PLCB4: variants seen among roughly 807,000 people sequenced by gnomAD.
PLCB4 encodes phospholipase C beta 4.
In PLCB4, 77 loss-of-function variants were observed where a neutral mutation model predicts 178.8. The observed-to-expected ratio is 0.43, with a 90% CI of 0.36 to 0.52. The LOEUF (loss-of-function observed/expected upper bound fraction) is 0.52. Ranked by LOEUF, PLCB4 falls within the 20% of genes least tolerant of loss-of-function variation. The probability of loss-of-function intolerance (pLI) is 0.00; values close to 1 mark genes in which losing one functional copy is unlikely to be tolerated. For missense variants in PLCB4, 1,024 were observed against 1,453.4 expected, an observed-to-expected ratio of 0.70 and a Z score of 4.80; for synonymous variants, 496 against 490.8, an observed-to-expected ratio of 1.01 and a Z score of -0.14.
chr20:9,108,995 A>G (rs1260113030), intron 2 of PLCB4, among the ~76,000 whole-genome samples: 1 of 151,342 alleles, frequency 6.6e-6, no homozygotes, highest in African/African-American at 2.4e-5. Flanking sequence ...GGTAAACTTT[A>G]TTGAGTCCCA....
intron 4 of PLCB4, among the ~76,000 whole-genome samples, chr20:9,327,776 G>GA (rs964942224): frequency 8.0e-5 from 12 of 149,676 alleles, no homozygotes; most frequent in African/African-American, 2.7e-4. Context: ...ACTCCATCTC[G>GA]AAAAAAAAAT....
At chr20:9,449,199 A>C (rs889452906) in intron 32 of PLCB4, among the ~76,000 whole-genome samples, 1 of 152,198 alleles carries the variant, frequency 6.6e-6, no homozygotes, top group African/African-American at 2.4e-5. Flanking sequence ...CCCCCAGCAC[A>C]TGACTCATTG....
intron 2 of PLCB4, among the ~76,000 whole-genome samples, chr20:9,200,256 G>T (rs188750878): frequency 6.6e-6 from 1 of 152,174 alleles, no homozygotes; most frequent in East Asian, 1.9e-4. Flanking sequence ...TTCAATGCTG[G>T]GTTTGAAATC....
chr20:9,382,638 G>A (rs922398315), intron 13 of PLCB4, among the ~76,000 whole-genome samples: 8 of 152,144 alleles, frequency 5.3e-5, no homozygotes, highest in African/African-American at 1.9e-4. Context: ...TGTGCACGTG[G>A]CTTGCTCCTC....
rs576797988 is a variant in PLCB4 at position 9,373,140 on chromosome 20, T to C, written c.744+36T>C. ...TCATACATTAACTCCATAAAGTCTG[T>C]GTGCAGTGGCTTGCCTTCTCTGGTG... On this transcript the variant is annotated intron_variant, in intron 12 of 39. Transcript: ENST00000378473. 3.1e-5 allele frequency: 33 copies of C among 1,061,406 alleles called. No individual in the cohort carries two copies. In the South Asian group the frequency reaches 3.6e-4, roughly 11 times the overall value. 65.7% of individuals were successfully genotyped at this position (1,061,406 alleles called of 1,614,324 possible).
chr20:9,161,503 G>A (rs908998083), intron 2 of PLCB4, among the ~76,000 whole-genome samples: 2 of 152,204 alleles, frequency 1.3e-5, no homozygotes, highest in African/African-American at 4.8e-5. Context: ...ATGTTGTGCT[G>A]TCTGGCTGAT....
Position 9,315,928 on chromosome 20 carries a change from G to A in PLCB4, c.84+8030G>A, listed in dbSNP as rs192365821. Among the ~76,000 whole-genome samples, 121 of 150,686 alleles carry A rather than the reference G, an allele frequency of 8.0e-4. 1 individual carries two copies. Among genetic ancestry groups the A allele is most frequent in the African/African-American group, 2.4e-3 (99 of 40,722 alleles). On this transcript the variant is annotated intron_variant, in intron 4 of 39. Coordinates refer to ENST00000378473, the MANE Select transcript of PLCB4 (RefSeq NM_001377142.1). Reference sequence around the variant, plus strand: ...AGCACTCCAGCCTGGGTGACAGAGCGAGATTCTGTCTAAAAAAAAATTAAA... The same window carrying A: ...AGCACTCCAGCCTGGGTGACAGAGCAAGATTCTGTCTAAAAAAAAATTAAA...
Position 9,457,451 on chromosome 20 carries a change from A to G in PLCB4, c.3034A>G (p.Ile1012Val), listed in dbSNP as rs1384867981. 1 of 1,572,188 alleles carries G rather than the reference A, an allele frequency of 6.4e-7. No individual in the cohort carries two copies. Among genetic ancestry groups the G allele is most frequent in the Non-Finnish European group, 8.8e-7 (1 of 1,141,862 alleles). Reference sequence around the variant, plus strand: ...TCTCGAAATGAAAAAAGAAACAGAAATCAAAATTCAGACGCTGACATCAGA... The same window carrying G: ...TCTCGAAATGAAAAAAGAAACAGAAGTCAAAATTCAGACGCTGACATCAGA... ...NCLEMKKETE[I>V]KIQTLTSDHK... The change falls in exon 34 of 40, where the codon ATC (isoleucine) becomes GTC (valine). Residue 1012 changes from isoleucine (I) to valine (V), a missense_variant. By Grantham distance (29) the Ile-to-Val change is conservative (BLOSUM62 3). Transcript: ENST00000378473.
At chr20:9,334,435 G>C (rs142962352) in intron 4 of PLCB4, among the ~76,000 whole-genome samples, 6 of 152,110 alleles carry the variant, frequency 3.9e-5, no homozygotes, top group Admixed American at 1.3e-4. Flanking sequence ...GGTAGTAAGT[G>C]GGGTAGTAAG....
At chr20:9,189,656 A>C (rs902362663) in intron 2 of PLCB4, among the ~76,000 whole-genome samples, 3 of 152,186 alleles carry the variant, frequency 2.0e-5, no homozygotes, top group African/African-American at 7.2e-5. Context: ...AAACAACAGA[A>C]AATTATTTCT....
At chr20:9,345,276 T>G (rs2033681756) in intron 7 of PLCB4, among the ~76,000 whole-genome samples, 2 of 152,190 alleles carry the variant, frequency 1.3e-5, no homozygotes. Flanking sequence ...CCTGGAATCA[T>G]TCTCATCTTT....
At chr20:9,463,593 C>CG (rs1369142323) in intron 35 of PLCB4, among the ~76,000 whole-genome samples, 40 of 49,714 alleles carry the variant, frequency 8.0e-4, no homozygotes, top group African/African-American at 3.1e-3. Flanking sequence ...AAATGGAAAG[C>CG]AAAAAAAAAA....
intron 2 of PLCB4, among the ~76,000 whole-genome samples, chr20:9,118,605 A>G (rs2091861140): frequency 6.6e-6 from 1 of 152,230 alleles, no homozygotes; most frequent in African/African-American, 2.4e-5. Context: ...CCACATTTCA[A>G]GTGCTCAGTA....
At chr20:9,276,330 G>A (rs1418770535) in intron 3 of PLCB4, among the ~76,000 whole-genome samples, 1 of 151,990 alleles carries the variant, frequency 6.6e-6, no homozygotes, top group Non-Finnish European at 1.5e-5. Flanking sequence ...GATATTTTAT[G>A]GGCCATGCCC....
At chr20:9,362,528 A>G (rs930530691) in intron 7 of PLCB4, among the ~76,000 whole-genome samples, 11 of 152,228 alleles carry the variant, frequency 7.2e-5, no homozygotes, top group African/African-American at 2.2e-4. Flanking sequence ...AAATAGTTAA[A>G]TATGTCATGT....
intron 1 of PLCB4, among the ~76,000 whole-genome samples, chr20:9,093,904 TC>T (rs1282737000): frequency 6.6e-6 from 1 of 152,102 alleles, no homozygotes; most frequent in African/African-American, 2.4e-5. Flanking sequence ...CAAATTTTAG[TC>T]AAATTGCGTG....
intron 21 of PLCB4, among the ~76,000 whole-genome samples, chr20:9,405,579 T>C (rs560701772): frequency 1.3e-5 from 2 of 152,302 alleles, no homozygotes; most frequent in Admixed American, 6.5e-5. Context: ...ATCATCAGCA[T>C]ATTGAATTTG....
At chr20:9,160,331 G>A (rs1300441044) in intron 2 of PLCB4, among the ~76,000 whole-genome samples, 2 of 152,166 alleles carry the variant, frequency 1.3e-5, no homozygotes, top group Non-Finnish European at 2.9e-5. Flanking sequence ...GTCCAGGATA[G>A]TTAGGTCCTC....
chr20:9,435,217 C>T (rs1173449396), intron 28 of PLCB4, among the ~76,000 whole-genome samples: 1 of 152,192 alleles, frequency 6.6e-6, no homozygotes, highest in African/African-American at 2.4e-5. Flanking sequence ...AGGCTGGGGA[C>T]ATTAATCAAC....
Sources: allele counts gnomAD v4.1 joint callset (sites outside exome capture counted in the v4.1 genomes callset), GRCh38; gene constraint gnomAD v4.1.1; transcripts MANE v1.5; gene names NCBI Gene and HGNC (gene_info 2026-07-23, HGNC 2026-07-21).